The following CD226 variants were observed in gnomAD, a reference collection of about 807,000 sequenced individuals.
CD226 encodes the protein CD226 molecule.
CD226 carries 24 observed loss-of-function variants against 34.9 expected under a neutral mutation model. The ratio of observed to expected loss-of-function variants is 0.69; its 90% CI spans 0.50 to 0.97. The LOEUF is 0.97. Ranked by LOEUF, CD226 falls within the 50% of genes least tolerant of loss-of-function variation. The probability of loss-of-function intolerance (pLI) is 0.00; values close to 1 mark genes in which losing one functional copy is unlikely to be tolerated. For synonymous variants in CD226, 148 were observed against 147.4 expected (o/e 1.00, Z -0.03); for missense variants, 397 against 412.7 (o/e 0.96, Z 0.33).
chr18:69,887,671 A>T (rs1984640480), intron 3 of CD226, among the ~76,000 whole-genome samples: 1 of 152,156 alleles, frequency 6.6e-6, no homozygotes, highest in Admixed American at 6.5e-5. Flanking sequence ...TTTCAACTTG[A>T]TACTTGTGAA....
At position 69,862,229 on chromosome 18, in the gene CD226, T is replaced by C. The variant is rs1418489833; in HGVS notation, c.*2085A>G. 1.3e-5 allele frequency: 2 copies of C among 152,162 alleles called. No individual in the cohort carries two copies. The highest frequency in any genetic ancestry group is 2.4e-5 in the African/African-American group (1 of 41,454). The allele number at this position is 152,162 out of a possible 1,614,324, so 9.4% of individuals were successfully genotyped here. On this transcript the variant is annotated 3_prime_UTR_variant, in exon 6 of 6. Coordinates refer to ENST00000582621, the MANE Select transcript of CD226 (RefSeq NM_001303618.2). Reference sequence around the variant, plus strand: ...TTAAAATTGGATTTATATTTCCCCATACTACAACTGTAAAAATGTTTTCCT... The same window carrying C: ...TTAAAATTGGATTTATATTTCCCCACACTACAACTGTAAAAATGTTTTCCT...
At chr18:69,910,349 T>A (rs1008646802) in intron 2 of CD226, among the ~76,000 whole-genome samples, 3 of 152,184 alleles carry the variant, frequency 2.0e-5, no homozygotes, top group African/African-American at 7.2e-5. Flanking sequence ...GGATATGAGG[T>A]ACCCCTTGAT....
chr18:69,942,393 G>C (rs2055736986), intron 2 of CD226, among the ~76,000 whole-genome samples: 1 of 152,186 alleles, frequency 6.6e-6, no homozygotes, highest in South Asian at 2.1e-4. Context: ...TCTCCTAAAA[G>C]ACTGCAGCTA....
rs1015387088 is a variant in CD226, at chr18:69,861,745, C to T, written c.*2569G>A. On this transcript the variant is annotated 3_prime_UTR_variant, in exon 6 of 6. Transcript: ENST00000582621. Reference sequence around the variant, plus strand: ...AAAAGAGTAGAGGGGGAGAAACATACACTAGGGAGAGTCCCAAAACTATCA... The same window carrying T: ...AAAAGAGTAGAGGGGGAGAAACATATACTAGGGAGAGTCCCAAAACTATCA... 27 of 151,680 alleles carry T rather than the reference C, an allele frequency of 1.8e-4. No homozygotes were observed. Among genetic ancestry groups the T allele is most frequent in the Non-Finnish European group, 3.2e-4 (22 of 67,810 alleles). 9.4% of individuals were successfully genotyped at this position (151,680 alleles called of 1,614,324 possible). A position where few individuals can be genotyped will look rare whatever the true frequency, so the allele number is the denominator to read the frequency against.
chr18:69,932,422 T>C (rs920125633), intron 2 of CD226, among the ~76,000 whole-genome samples: 3 of 152,134 alleles, frequency 2.0e-5, no homozygotes, highest in Non-Finnish European at 2.9e-5. Context: ...GAACATGCAG[T>C]TCCAAATCAA....
At chr18:69,934,277 G>GATAA (rs1555684023) in intron 2 of CD226, among the ~76,000 whole-genome samples, 1 of 44,530 alleles carries the variant, frequency 2.2e-5, no homozygotes, top group South Asian at 8.6e-4. Flanking sequence ...CCACACAGAG[G>GATAA]ATACACACAC....
At chr18:69,932,996 G>T (rs185216797) in intron 2 of CD226, among the ~76,000 whole-genome samples, 9 of 152,318 alleles carry the variant, frequency 5.9e-5, no homozygotes, top group Admixed American at 3.9e-4. Flanking sequence ...GAAATGGGAA[G>T]GAGAAACTTG....
intron 3 of CD226, among the ~76,000 whole-genome samples, chr18:69,886,013 C>T (rs571408953): frequency 4.6e-5 from 7 of 152,312 alleles, no homozygotes; most frequent in South Asian, 2.1e-4. Flanking sequence ...TGAAGAAGGA[C>T]GCTCTGTAGC....
chr18:69,873,357 G>A (rs1983661918), intron 3 of CD226, 111 bp from the exon 4 acceptor site: 4 of 590,330 alleles, frequency 6.8e-6, no homozygotes, highest in Middle Eastern at 4.1e-4. Context: ...CAAAAACAAA[G>A]AATCCAACAA....
rs1459617981 is a variant in CD226, at chr18:69,856,518, T to C, written c.*7796A>G. 1.5e-4 allele frequency: 23 copies of C among 152,068 alleles called. No individual in the cohort carries two copies. The highest frequency in any genetic ancestry group is 1.0e-4 in the Non-Finnish European group (7 of 68,008). 9.4% of individuals were successfully genotyped at this position (152,068 alleles called of 1,614,324 possible). A position where few individuals can be genotyped will look rare whatever the true frequency, so the allele number is the denominator to read the frequency against. The stretch of plus-strand genomic sequence containing the variant: ...AGCAGAATGAACATTCTTCTTAAGA[T>C]CACATGAAACATTCTACAAGATAGA... On this transcript the variant is annotated 3_prime_UTR_variant, in exon 6 of 6. Transcript: ENST00000582621.
At chr18:69,869,339 T>A (rs1292052649) in intron 4 of CD226, among the ~76,000 whole-genome samples, 2 of 152,106 alleles carry the variant, frequency 1.3e-5, no homozygotes, top group East Asian at 3.8e-4. Flanking sequence ...AGAAATGAGA[T>A]CATGTCCTTT....
At chr18:69,919,944 GC>G (rs2055431694) in intron 2 of CD226, among the ~76,000 whole-genome samples, 1 of 150,000 alleles carries the variant, frequency 6.7e-6, no homozygotes, top group Non-Finnish European at 1.5e-5. Context: ...GGTCACTGAA[GC>G]CCCGACCTTT....
At chr18:69,893,101 T>C (rs1985001603) in intron 3 of CD226, among the ~76,000 whole-genome samples, 1 of 152,132 alleles carries the variant, frequency 6.6e-6, no homozygotes, top group African/African-American at 2.4e-5. Flanking sequence ...CTTATAAAAA[T>C]TGAAAAAAGG....
At chr18:69,908,838 A>C (rs114332341) in intron 2 of CD226, among the ~76,000 whole-genome samples, 318 of 152,300 alleles carry the variant, frequency 2.1e-3, no homozygotes, top group African/African-American at 7.3e-3. Flanking sequence ...CAAGAACATT[A>C]TTCACCTTTA....
chr18:69,913,862 T>C (rs899774798), intron 2 of CD226, among the ~76,000 whole-genome samples: 5 of 152,272 alleles, frequency 3.3e-5, no homozygotes, highest in Admixed American at 1.3e-4. Context: ...TGGAGAATTA[T>C]AGACAACCTC....
At chr18:69,877,976 G>A (rs1758467071) in intron 3 of CD226, among the ~76,000 whole-genome samples, 1 of 152,168 alleles carries the variant, frequency 6.6e-6, no homozygotes, top group South Asian at 2.1e-4. Flanking sequence ...CCACATGAAT[G>A]ACCACTGGCC....
intron 3 of CD226, among the ~76,000 whole-genome samples, chr18:69,884,804 C>T (rs1419020354): frequency 1.3e-5 from 2 of 152,202 alleles, no homozygotes; most frequent in East Asian, 1.9e-4. Flanking sequence ...TCTGACAAGC[C>T]CTCTTACTTG....
chr18:69,901,538 C>T (rs1465323983), intron 2 of CD226, among the ~76,000 whole-genome samples: 1 of 152,106 alleles, frequency 6.6e-6, no homozygotes, highest in Non-Finnish European at 1.5e-5. Context: ...TTATGCTATT[C>T]TTTCTATTTT....
At chr18:69,883,063 T>C (rs1177724730) in intron 3 of CD226, among the ~76,000 whole-genome samples, 2 of 152,202 alleles carry the variant, frequency 1.3e-5, no homozygotes, top group African/African-American at 4.8e-5. Context: ...TTCATGTCTG[T>C]AGACATGTCT....
Sources: gnomAD v4.1 joint callset for allele counts (sites outside exome capture counted in the v4.1 genomes callset) on GRCh38, gnomAD v4.1.1 for gene constraint, MANE v1.5 for transcripts, NCBI Gene and HGNC (gene_info 2026-07-23, HGNC 2026-07-21) for gene names.